RAB39A: variants seen among roughly 807,000 people sequenced by gnomAD.
RAB39A encodes the protein RAB39A, member RAS oncogene family, also known as ras-related protein Rab-39A.
A neutral mutation model predicts 20.9 loss-of-function variants in RAB39A; 17 were observed. That is an observed-to-expected ratio of 0.81 (90% confidence interval 0.56 to 1.22). The LOEUF is 1.22. Ranked by LOEUF, RAB39A falls within the 50% of genes most tolerant of loss-of-function variation. The pLI, the probability that RAB39A is intolerant of heterozygous loss-of-function variation, is 0.00. For missense variants in RAB39A, 234 were observed against 270.5 expected, an observed-to-expected ratio of 0.87 and a Z score of 0.95; for synonymous variants, 99 against 103.4, an observed-to-expected ratio of 0.96 and a Z score of 0.26.
chr11:107,955,862 A>G (rs1308519036), intron 1 of RAB39A, among the ~76,000 whole-genome samples: 1 of 152,232 alleles, frequency 6.6e-6, no homozygotes, highest in Non-Finnish European at 1.5e-5. Flanking sequence ...AAAATTTTAA[A>G]AAATGAAAAA....
chr11:107,955,750 A>G (rs905351735), intron 1 of RAB39A, among the ~76,000 whole-genome samples: 2 of 152,194 alleles, frequency 1.3e-5, no homozygotes, highest in Admixed American at 6.5e-5. Flanking sequence ...AGGCAGGAGA[A>G]GTGCTTGAAC....
At chr11:107,958,704 A>G (rs1170834336) in intron 1 of RAB39A, among the ~76,000 whole-genome samples, 1 of 150,924 alleles carries the variant, frequency 6.6e-6, no homozygotes, top group Non-Finnish European at 1.5e-5. Context: ...ATACTTTGCT[A>G]TAATTTTATT....
rs1014469922 is a variant in RAB39A at position 107,952,708 on chromosome 11, C to T, written c.228-9238C>T. ...CATTCTGGCCAATGTGGTGAAACCC[C>T]GTCTCTACTAAAAATACAAAAAAAA... is the stretch of plus-strand genomic sequence containing the variant. On this transcript the variant is annotated intron_variant, in intron 1 of 1. Transcript: ENST00000320578. Among the ~76,000 whole-genome samples the T allele has an allele frequency of 4.0e-5, 6 of 151,894 alleles. No homozygotes were observed. The South Asian group carries it at 6.2e-4, about 16-fold the overall frequency.
At chr11:107,960,844 A>G (rs1175384069) in intron 1 of RAB39A, among the ~76,000 whole-genome samples, 2 of 152,160 alleles carry the variant, frequency 1.3e-5, no homozygotes, top group Admixed American at 6.6e-5. Flanking sequence ...GCAGAAGCAA[A>G]CAGAGGGATA....
At chr11:107,955,182 A>G (rs1861421149) in intron 1 of RAB39A, among the ~76,000 whole-genome samples, 2 of 151,774 alleles carry the variant, frequency 1.3e-5, no homozygotes, top group Admixed American at 1.3e-4. Flanking sequence ...TATTTTTAGT[A>G]GAGACGGGGT....
Position 107,938,317 on chromosome 11 carries a change from G to C in RAB39A, c.227+9522G>C, listed in dbSNP as rs1420693774. Among the ~76,000 whole-genome samples, 13 of 130,968 alleles carry C rather than the reference G, an allele frequency of 9.9e-5. No individual in the cohort carries two copies. The Admixed American group carries it at 1.3e-3, about 13-fold the overall frequency. The allele number at this position is 130,968 out of a possible 152,430, so 85.9% of individuals were successfully genotyped here. ...GGAGGTTGCAGTGAGCCGAGATCACGCCACTGCACTCCAGTCTGGGCAATA... is the reference window on the plus strand; with the variant it reads ...GGAGGTTGCAGTGAGCCGAGATCACCCCACTGCACTCCAGTCTGGGCAATA... On this transcript the variant is annotated intron_variant, in intron 1 of 1. Transcript: ENST00000320578.
chr11:107,946,913 C>T (rs1419245378), intron 1 of RAB39A, among the ~76,000 whole-genome samples: 1 of 151,782 alleles, frequency 6.6e-6, no homozygotes, highest in Non-Finnish European at 1.5e-5. Context: ...CATGGTGAAA[C>T]ACATCTCTAC....
chr11:107,931,881 T>TA (rs1363843655), intron 1 of RAB39A, among the ~76,000 whole-genome samples: 2 of 149,998 alleles, frequency 1.3e-5, no homozygotes, highest in African/African-American at 4.9e-5. Context: ...TTTTTTTTTT[T>TA]TTGAGACAGG....
intron 1 of RAB39A, among the ~76,000 whole-genome samples, chr11:107,941,844 G>A (rs1239881339): frequency 6.6e-6 from 1 of 152,182 alleles, no homozygotes; most frequent in African/African-American, 2.4e-5. Context: ...TGTAATCCCA[G>A]CACTTTGGGA....
intron 1 of RAB39A, among the ~76,000 whole-genome samples, chr11:107,951,177 T>G (rs1031030430): frequency 9.9e-5 from 15 of 152,182 alleles, no homozygotes; most frequent in African/African-American, 3.6e-4. Flanking sequence ...TTCAGGATCT[T>G]AAGTGAGGGC....
At chr11:107,931,912 T>C (rs1409190544) in intron 1 of RAB39A, among the ~76,000 whole-genome samples, 1 of 143,268 alleles carries the variant, frequency 7.0e-6, no homozygotes, top group Non-Finnish European at 1.5e-5. Context: ...CAGGCTGGAA[T>C]GCAGTGGCAC....
intron 1 of RAB39A, among the ~76,000 whole-genome samples, chr11:107,957,707 C>G (rs1861451633): frequency 6.6e-6 from 1 of 152,130 alleles, no homozygotes; most frequent in Non-Finnish European, 1.5e-5. Context: ...GGTTTTGTAT[C>G]TGCTTTATCA....
Position 107,946,396 on chromosome 11 carries a change from ATGTGTGTG to A in RAB39A, c.228-15516_228-15509del, listed in dbSNP as rs71047654. On this transcript the variant is annotated intron_variant, in intron 1 of 1. Coordinates refer to ENST00000320578, the MANE Select transcript of RAB39A (RefSeq NM_017516.3). ...CACACATATATATGTGGGTGTATAT[ATGTGTGTG>A]TGTGTGTGTGTGTGTGTGTGTGTGT... Among the ~76,000 whole-genome samples the A allele has an allele frequency of 9.7e-3, 364 of 37,586 alleles. 6 individuals carry two copies. The highest frequency in any genetic ancestry group is 0.033 in the African/African-American group (274 of 8,216). 24.7% of individuals were successfully genotyped at this position (37,586 alleles called of 152,430 possible).
intron 1 of RAB39A, among the ~76,000 whole-genome samples, chr11:107,932,914 G>T (rs1205886682): frequency 1.3e-5 from 2 of 151,998 alleles, no homozygotes; most frequent in African/African-American, 4.8e-5. Flanking sequence ...TTTCAACATG[G>T]TGGCTGGGCT....
chr11:107,932,154 C>T (rs900907372), intron 1 of RAB39A, among the ~76,000 whole-genome samples: 9 of 152,070 alleles, frequency 5.9e-5, no homozygotes, highest in African/African-American at 9.7e-5. Context: ...TGAACCACTG[C>T]GCCAGGCCAG....
chr11:107,946,704 G>A (rs989186654), intron 1 of RAB39A, among the ~76,000 whole-genome samples: 28 of 150,904 alleles, frequency 1.9e-4, no homozygotes, highest in African/African-American at 6.8e-4. Flanking sequence ...TCGATCTCCT[G>A]ACCTCATGAT....
At chr11:107,934,052 G>A (rs1429089135) in intron 1 of RAB39A, among the ~76,000 whole-genome samples, 13 of 152,256 alleles carry the variant, frequency 8.5e-5, no homozygotes, top group East Asian at 7.7e-4. Context: ...TCAAAGGCTC[G>A]AAGAAGTATT....
At chr11:107,945,183 CAAAA>C (rs530534250) in intron 1 of RAB39A, among the ~76,000 whole-genome samples, 1 of 120,634 alleles carries the variant, frequency 8.3e-6, no homozygotes, top group Admixed American at 8.7e-5. Flanking sequence ...GACTCCATCT[CAAAA>C]AAAAAAAAGA....
chr11:107,928,579 T>G lies in RAB39A; in HGVS notation c.11T>G (p.Ile4Ser). The change falls in exon 1 of 2, where the codon ATC becomes AGC. Residue 4 changes from isoleucine to serine, a missense_variant. Transcript: ENST00000320578. The surrounding 1 kb of genome is among the most constrained non-coding windows in gnomAD (Gnocchi z 4.9). Reference protein sequence around the residue: METIWIYQFRLIVI... With the variant: METSWIYQFRLIVI... ...CGGGGCACGTGAGCGATGGAGACCA[T>G]CTGGATCTACCAGTTCCGCCTCATC... 1.9e-6 allele frequency: 3 copies of G among 1,542,258 alleles called. No homozygotes were observed. The highest frequency in any genetic ancestry group is 2.6e-6 in the Non-Finnish European group (3 of 1,132,120).
Sources: allele counts gnomAD v4.1 joint callset (sites outside exome capture counted in the v4.1 genomes callset), GRCh38; gene constraint gnomAD v4.1.1; non-coding constraint Gnocchi (gnomAD v3.1); transcripts MANE v1.5; gene names NCBI Gene and HGNC (gene_info 2026-07-23, HGNC 2026-07-21).